Variants in C9orf85 observed in about 807,000 individuals in gnomAD.
C9orf85 encodes the protein uncharacterized protein C9orf85.
Under a neutral mutation model 14.9 loss-of-function variants are expected in C9orf85, and 16 were observed. The observed-to-expected ratio is 1.08, with a 90% CI of 0.73 to 1.63. The LOEUF (loss-of-function observed/expected upper bound fraction) is 1.63, where lower values mean the gene tolerates loss of function less well. C9orf85 is among the 40% of genes most tolerant of loss of function. C9orf85 has a pLI of 0.00. For synonymous variants in C9orf85, 45 were observed against 56.8 expected (o/e 0.79, Z 0.93); for missense variants, 172 against 186.1 (o/e 0.92, Z 0.44).
At chr9:71,978,389 C>T (rs1187223182), downstream of C9orf85, among the ~76,000 whole-genome samples, 1 of 152,178 alleles carries the variant, frequency 6.6e-6, no homozygotes, top group Non-Finnish European at 1.5e-5. Context: ...AGATTACAGG[C>T]ATGAGCCACT....
chr9:71,940,692 A>G (rs552530740), intron 1 of C9orf85, among the ~76,000 whole-genome samples: 2 of 152,344 alleles, frequency 1.3e-5, no homozygotes, highest in African/African-American at 2.4e-5. Context: ...AAAATTAAGC[A>G]TTCCATTATA....
intron 2 of C9orf85, among the ~76,000 whole-genome samples, chr9:71,962,824 G>A (rs959334649): frequency 6.6e-6 from 1 of 152,160 alleles, no homozygotes. Context: ...GGGAGGCCGA[G>A]GCAGGCGGAT....
chr9:71,973,165 T>A lies in C9orf85; in HGVS notation c.*323T>A, dbSNP rs1277819111. 2 of 154,752 alleles carry A rather than the reference T, an allele frequency of 1.3e-5. No individual in the cohort carries two copies. The highest frequency in any genetic ancestry group is 4.8e-5 in the African/African-American group (2 of 41,506). The allele number at this position is 154,752 out of a possible 1,614,324, so 9.6% of individuals were successfully genotyped here. On this transcript the variant is annotated 3_prime_UTR_variant, in exon 4 of 4. Transcript: ENST00000334731. Reference sequence around the variant, plus strand: ...GTCTCAAAAAAAATAAAATAAAAAGTCAATTTAGAATGTGAAATTCTGACC... The same window carrying A: ...GTCTCAAAAAAAATAAAATAAAAAGACAATTTAGAATGTGAAATTCTGACC...
intron 1 of C9orf85, among the ~76,000 whole-genome samples, chr9:71,917,268 G>T (rs958184591): frequency 1.3e-5 from 2 of 152,222 alleles, no homozygotes; most frequent in African/African-American, 4.8e-5. Context: ...ATGTTCTAGG[G>T]AGAGTCTTTC....
At chr9:71,948,190 T>C (rs906015090) in intron 2 of C9orf85, among the ~76,000 whole-genome samples, 1 of 152,246 alleles carries the variant, frequency 6.6e-6, no homozygotes, top group Admixed American at 6.5e-5. Context: ...TTTTTCTGAC[T>C]ATTCAATAGT....
chr9:71,921,980 C>CA (rs373048281), intron 1 of C9orf85, among the ~76,000 whole-genome samples: 17 of 2,260 alleles, frequency 7.5e-3, no homozygotes, highest in East Asian at 0.053. Context: ...CTTGCTCTGT[C>CA]GCCAGGCTAG....
At chr9:71,942,832 G>A (rs1376389124) in intron 1 of C9orf85, among the ~76,000 whole-genome samples, 2 of 150,600 alleles carry the variant, frequency 1.3e-5, no homozygotes, top group Non-Finnish European at 2.9e-5. Flanking sequence ...GAACCTGGGA[G>A]ACAGAGGTTG....
chr9:71,937,036 G>A (rs1347758482), intron 1 of C9orf85, among the ~76,000 whole-genome samples: 1 of 152,140 alleles, frequency 6.6e-6, no homozygotes, highest in African/African-American at 2.4e-5. Flanking sequence ...TGGGATTATA[G>A]CCCTGAGCTA....
rs373855737 is a variant in C9orf85 at position 71,934,410 on chromosome 9, G to A, written c.103-12596G>A. Among the ~76,000 whole-genome samples, 150 of 152,242 alleles carry A rather than the reference G, an allele frequency of 9.9e-4. 1 individual carries two copies. Among genetic ancestry groups the A allele is most frequent in the African/African-American group, 2.7e-3 (113 of 41,548 alleles). ...AGCTGCCCAGTTCTCTTTGTTTGGC[G>A]TCTTGCAATAAATGCCTCACTTTCT... On this transcript the variant is annotated intron_variant, in intron 1 of 3. Transcript: ENST00000334731.
downstream of C9orf85, among the ~76,000 whole-genome samples, chr9:71,977,314 A>G (rs565955814): frequency 3.5e-4 from 53 of 152,320 alleles, no homozygotes; most frequent in South Asian, 0.011. Context: ...ATGCATTCCC[A>G]GCTGATACCT....
chr9:71,972,990 A>C lies in C9orf85; in HGVS notation c.*148A>C. On this transcript the variant is annotated 3_prime_UTR_variant, in exon 4 of 4. Transcript: ENST00000334731. ...GGAACCCCATCTCCACTAAAAGTACAAAAAATTAGCTGGGCGTGGTGGCTC... is the reference window on the plus strand; with the variant it reads ...GGAACCCCATCTCCACTAAAAGTACCAAAAATTAGCTGGGCGTGGTGGCTC... 1 of 459,972 alleles carries C rather than the reference A, an allele frequency of 2.2e-6. No homozygotes were observed. The highest frequency in any genetic ancestry group is 3.2e-5 in the South Asian group (1 of 31,680). 28.5% of individuals were successfully genotyped at this position (459,972 alleles called of 1,614,324 possible). A position where few individuals can be genotyped will look rare whatever the true frequency, so the allele number is the denominator to read the frequency against.
chr9:71,965,033 G>A (rs950340020), intron 2 of C9orf85, among the ~76,000 whole-genome samples: 6 of 152,294 alleles, frequency 3.9e-5, no homozygotes, highest in African/African-American at 4.8e-5. Flanking sequence ...GTGGGTCTGC[G>A]ACGGCAGCAA....
At chr9:71,976,761 A>G (rs1823008877), downstream of C9orf85, among the ~76,000 whole-genome samples, 1 of 149,250 alleles carries the variant, frequency 6.7e-6, no homozygotes, top group African/African-American at 2.5e-5. Context: ...GGTGATTCTG[A>G]TCAACTGTAA....
chr9:71,926,103 T>C (rs1827924491), intron 1 of C9orf85, among the ~76,000 whole-genome samples: 1 of 152,234 alleles, frequency 6.6e-6, no homozygotes, highest in African/African-American at 2.4e-5. Context: ...TAATTTTTAG[T>C]CTGTCAACAG....
intron 1 of C9orf85, among the ~76,000 whole-genome samples, chr9:71,938,875 A>G (rs1828259358): frequency 6.6e-6 from 1 of 151,714 alleles, no homozygotes; most frequent in African/African-American, 2.4e-5. Context: ...GGTTAACTAA[A>G]TGATGGTATT....
intron 2 of C9orf85, among the ~76,000 whole-genome samples, chr9:71,949,175 G>A (rs1317072476): frequency 1.3e-5 from 2 of 152,012 alleles, no homozygotes; most frequent in Admixed American, 6.6e-5. Flanking sequence ...TTATAGTGTT[G>A]TTTCCTAAAA....
At chr9:71,913,284 T>A (rs1827562661) in intron 1 of C9orf85, among the ~76,000 whole-genome samples, 1 of 152,212 alleles carries the variant, frequency 6.6e-6, no homozygotes, top group Non-Finnish European at 1.5e-5. Context: ...TTGCTTATTC[T>A]ACAAATATTT....
chr9:71,962,705 T>G (rs74599809), intron 2 of C9orf85, among the ~76,000 whole-genome samples: 1 of 152,310 alleles, frequency 6.6e-6, no homozygotes, highest in African/African-American at 2.4e-5. Context: ...AGGAGAAATT[T>G]TACTTCCTTC....
At chr9:71,940,927 A>G (rs887548205) in intron 1 of C9orf85, among the ~76,000 whole-genome samples, 5 of 152,224 alleles carry the variant, frequency 3.3e-5, no homozygotes, top group Admixed American at 6.5e-5. Flanking sequence ...TTTCATTTAC[A>G]CAACATGCTG....
Sources: allele counts gnomAD v4.1 joint callset (sites outside exome capture counted in the v4.1 genomes callset), GRCh38; gene constraint gnomAD v4.1.1; transcripts MANE v1.5; gene names NCBI Gene and HGNC (gene_info 2026-07-23, HGNC 2026-07-21).